The following DAP variants were observed in gnomAD, a reference collection of about 807,000 sequenced individuals.
DAP encodes the protein death-associated protein 1.
DAP carries 8 observed loss-of-function variants against 13.8 expected under a neutral mutation model. The observed-to-expected ratio is 0.58, with a 90% confidence interval of 0.34 to 1.05. DAP has a LOEUF of 1.05. Ranked by LOEUF, DAP falls within the 50% of genes least tolerant of loss-of-function variation. The pLI is 0.03. For missense variants in DAP, 106 were observed against 133.2 expected, an observed-to-expected ratio of 0.80 and a Z score of 1.01; for synonymous variants, 47 against 47.5, an observed-to-expected ratio of 0.99 and a Z score of 0.04.
At chr5:10,714,564 AG>A (rs1738933080) in intron 2 of DAP, among the ~76,000 whole-genome samples, 1 of 152,250 alleles carries the variant, frequency 6.6e-6, no homozygotes, top group Non-Finnish European at 1.5e-5. Context: ...AAAAATATAC[AG>A]AAAAAAATTC....
At chr5:10,685,437 G>T (rs1283032003) in intron 2 of DAP, among the ~76,000 whole-genome samples, 1 of 152,174 alleles carries the variant, frequency 6.6e-6, no homozygotes, top group African/African-American at 2.4e-5. Flanking sequence ...CCACAGGGGA[G>T]GGCTTCCAGG....
At chr5:10,682,063 AGGCCAACGCC>A (rs1206311591) in intron 3 of DAP, among the ~76,000 whole-genome samples, 1 of 151,524 alleles carries the variant, frequency 6.6e-6, no homozygotes, top group African/African-American at 2.4e-5. Flanking sequence ...AGGAAGCCCC[AGGCCAACGCC>A]CACCAGCGTC....
chr5:10,686,066 T>C (rs1220499813), intron 2 of DAP, among the ~76,000 whole-genome samples: 2 of 152,262 alleles, frequency 1.3e-5, no homozygotes, highest in Non-Finnish European at 2.9e-5. Context: ...ATTATTATTA[T>C]GTCTGTTACA....
chr5:10,696,371 T>C (rs3797118), intron 2 of DAP, among the ~76,000 whole-genome samples: 1 of 152,024 alleles, frequency 6.6e-6, no homozygotes, highest in East Asian at 1.9e-4. Context: ...GGTGTAGAAA[T>C]CCCAGACATT....
At chr5:10,706,914 G>A (rs2930052) in intron 2 of DAP, among the ~76,000 whole-genome samples, 35,097 of 151,982 alleles carry the variant, frequency 0.23, 4,235 homozygotes, top group Middle Eastern at 0.36. Context: ...TGAACAACAC[G>A]AACATCCTGT....
At chr5:10,690,969 G>C (rs925715893) in intron 2 of DAP, among the ~76,000 whole-genome samples, 7 of 152,012 alleles carry the variant, frequency 4.6e-5, no homozygotes, top group African/African-American at 1.2e-4. Context: ...GTTTTATTCT[G>C]TTTTTTTGGA....
intron 2 of DAP, among the ~76,000 whole-genome samples, chr5:10,722,886 G>A (rs1022874078): frequency 1.5e-4 from 23 of 152,084 alleles, no homozygotes; most frequent in Non-Finnish European, 1.5e-5. Flanking sequence ...ACTTAAGAAG[G>A]AAGGAGCCCA....
chr5:10,682,710 C>T (rs186998195), intron 3 of DAP, among the ~76,000 whole-genome samples: 40 of 152,402 alleles, frequency 2.6e-4, no homozygotes, highest in East Asian at 2.5e-3. Flanking sequence ...GCAGGTGGCA[C>T]TGAGGCCCAC....
intron 2 of DAP, among the ~76,000 whole-genome samples, chr5:10,701,432 C>G (rs1738572681): frequency 6.6e-6 from 1 of 152,172 alleles, no homozygotes; most frequent in Admixed American, 6.5e-5. Context: ...AACCCAGCAT[C>G]TTTATGGTTC....
chr5:10,701,052 G>C (rs1738564934), intron 2 of DAP, among the ~76,000 whole-genome samples: 2 of 152,234 alleles, frequency 1.3e-5, no homozygotes, highest in African/African-American at 2.4e-5. Flanking sequence ...AAACCAGAGG[G>C]AAGAAGCCCA....
chr5:10,724,014 G>A (rs1328687879), intron 2 of DAP, among the ~76,000 whole-genome samples: 2 of 152,296 alleles, frequency 1.3e-5, no homozygotes, highest in Non-Finnish European at 1.5e-5. Context: ...TAGCAAAAAA[G>A]TAAACCTGTG....
At chr5:10,755,557 A>G (rs1286554930) in intron 1 of DAP, among the ~76,000 whole-genome samples, 1 of 152,214 alleles carries the variant, frequency 6.6e-6, no homozygotes, top group Non-Finnish European at 1.5e-5. Flanking sequence ...AGTGTTATAC[A>G]GCAAGGGGTG....
intron 1 of DAP, among the ~76,000 whole-genome samples, chr5:10,757,190 G>A (rs896654222): frequency 4.6e-5 from 7 of 152,152 alleles, no homozygotes; most frequent in Non-Finnish European, 8.8e-5. Flanking sequence ...GGCTGCTGAA[G>A]TTCCAAAAGG....
At chr5:10,700,072 G>A (rs576050996) in intron 2 of DAP, among the ~76,000 whole-genome samples, 82 of 152,362 alleles carry the variant, frequency 5.4e-4, no homozygotes, top group African/African-American at 1.8e-3. Context: ...ACCAGAATGG[G>A]GCCCTGGGTG....
intron 2 of DAP, among the ~76,000 whole-genome samples, chr5:10,722,892 G>A (rs267975): frequency 0.49 from 74,405 of 151,934 alleles, 19,958 homozygotes; most frequent in Non-Finnish European, 0.61. Context: ...GAAGGAAGGA[G>A]CCCACAGAAC....
rs768003567 is a variant in DAP at position 10,748,182 on chromosome 5, T to C, written c.145A>G (p.Ser49Gly). ...EKDKDDQEWE[S>G]PSPPKPTVFI... is the part of the protein sequence containing the mutation. Reference sequence around the variant, plus strand: ...TCGCTAGCATCATCCCACCTGGGGCTTTCCCATTCCTGGTCATCCTTGTCT... The same window carrying C: ...TCGCTAGCATCATCCCACCTGGGGCCTTCCCATTCCTGGTCATCCTTGTCT... Residue 49 changes from serine to glycine, a missense_variant, in exon 2 of 4, where the codon AGC becomes GGC. Ser to Gly is a moderately conservative substitution (Grantham distance 56). Coordinates refer to ENST00000230895, the MANE Select transcript of DAP (RefSeq NM_004394.3). 1.9e-6 allele frequency: 3 copies of C among 1,612,640 alleles called. No individual in the cohort carries two copies. The highest frequency in any genetic ancestry group is 2.5e-6 in the Non-Finnish European group (3 of 1,178,572).
Position 10,685,560 on chromosome 5 carries a change from G to A in DAP, c.153-1989C>T, listed in dbSNP as rs150231143. ...AAATGGCAGCACAAAGTTTCTTAAC[G>A]TCGTTTGGAATGTTCTTTTAAACAT... On this transcript the variant is annotated intron_variant, in intron 2 of 3. Transcript: ENST00000230895. 4.8e-4 allele frequency among the ~76,000 whole-genome samples: 73 copies of A among 152,314 alleles called. 3 individuals are homozygous for A. In the East Asian group the frequency reaches 6.8e-3, roughly 14 times the overall value.
At chr5:10,758,789 C>T (rs1412916099) in intron 1 of DAP, among the ~76,000 whole-genome samples, 1 of 152,230 alleles carries the variant, frequency 6.6e-6, no homozygotes, top group East Asian at 1.9e-4. Context: ...CTCTTCCCTC[C>T]TCAGGGGTAA....
In DAP at chr5:10,681,657, C is replaced by T. The variant is rs368003433; in HGVS notation, c.196-488G>A. Among the ~76,000 whole-genome samples, 517 of 143,144 alleles carry T rather than the reference C, an allele frequency of 3.6e-3. 5 individuals carry two copies. Among genetic ancestry groups the T allele is most frequent in the African/African-American group, 0.013 (485 of 38,302 alleles). 93.9% of individuals were successfully genotyped at this position (143,144 alleles called of 152,430 possible). ...TGTGGGTGAGGAAGCCCCAGGCCAG[C>T]GCCCACCAGCGTCCCTGCAGGAAGC... On this transcript the variant is annotated intron_variant, in intron 3 of 3. Coordinates refer to ENST00000230895, the MANE Select transcript of DAP (RefSeq NM_004394.3).
Sources: allele counts gnomAD v4.1 joint callset (sites outside exome capture counted in the v4.1 genomes callset), GRCh38; gene constraint gnomAD v4.1.1; transcripts MANE v1.5; gene names NCBI Gene and HGNC (gene_info 2026-07-23, HGNC 2026-07-21).